KLF15: variants seen among roughly 807,000 people sequenced by gnomAD.
KLF15 encodes the protein Krueppel-like factor 15.
KLF15 carries 4 observed loss-of-function variants against 24.6 expected under a neutral mutation model. The observed-to-expected ratio is 0.16, with a 90% CI of 0.08 to 0.37. The LOEUF is 0.37. Ranked by LOEUF, KLF15 falls within the 10% of genes least tolerant of loss-of-function variation. The pLI is 1.00. For synonymous variants in KLF15, 246 were observed against 236.3 expected, an observed-to-expected ratio of 1.04 and a Z score of -0.37; for missense variants, 496 against 560.6, an observed-to-expected ratio of 0.88 and a Z score of 1.16.
the KLF15 span, among the ~76,000 whole-genome samples, chr3:126,310,574 G>A: frequency 9.2e-5 from 14 of 152,232 alleles, no homozygotes; most frequent in African/African-American, 2.4e-4. Context: ...ATTTCCTCAC[G>A]GCTCTGGAGG....
chr3:126,315,783 T>G, the KLF15 span, among the ~76,000 whole-genome samples: 1 of 152,182 alleles, frequency 6.6e-6, no homozygotes, highest in African/African-American at 2.4e-5. Flanking sequence ...ACCTATCCTT[T>G]GAAATTCCTC....
In KLF15 at chr3:126,356,312, T is replaced by G. The variant is rs553104482; in HGVS notation, c.-26+925A>C. On this transcript the variant is annotated intron_variant, in intron 1 of 2. Coordinates refer to ENST00000296233, the MANE Select transcript of KLF15 (RefSeq NM_014079.4). The surrounding 1 kb of genome is among the most constrained non-coding windows in gnomAD (Gnocchi z 4.4). ...GTCCGGGGGGACAGGGGGAAGGAGA[T>G]TTGAGGCTCTCAAACAATTGTTGAT... is the stretch of plus-strand genomic sequence containing the variant. Among the ~76,000 whole-genome samples the G allele has an allele frequency of 6.6e-6, 1 of 152,064 alleles. No individual in the cohort carries two copies. The highest frequency in any genetic ancestry group is 2.1e-4 in the South Asian group (1 of 4,808).
rs926979198 is a variant in KLF15, at chr3:126,352,236, C to T, written c.687G>A (p.Lys229=). ...VLLQIQPVPV[K]QESGTGPASP... ...AGGCAGGCCCTGTGCCCGATTCCTG[C>T]TTCACAGGCACGGGCTGGATCTGCA... is the stretch of plus-strand genomic sequence containing the variant. Residue 229 remains lysine, a synonymous_variant, in exon 2 of 3, where the codon AAG becomes AAA. Coordinates refer to ENST00000296233, the MANE Select transcript of KLF15 (RefSeq NM_014079.4). 1.3e-6 allele frequency: 2 copies of T among 1,537,474 alleles called. No homozygotes were observed. Among genetic ancestry groups the T allele is most frequent in the African/African-American group, 2.8e-5 (2 of 72,556 alleles).
the KLF15 span, chr3:126,288,285 T>A: frequency 6.6e-6 from 1 of 152,228 alleles, no homozygotes; most frequent in Non-Finnish European, 1.5e-5. Flanking sequence ...AATCATCTAC[T>A]GGAGACGGGC....
chr3:126,318,532 C>T, the KLF15 span, among the ~76,000 whole-genome samples: 2 of 152,090 alleles, frequency 1.3e-5, no homozygotes, highest in African/African-American at 4.8e-5. Context: ...CTGTGATGGA[C>T]GTGCAGGGGG....
chr3:126,337,577 T>TTA, the KLF15 span, among the ~76,000 whole-genome samples: 41 of 150,562 alleles, frequency 2.7e-4, no homozygotes, highest in East Asian at 6.1e-3. Flanking sequence ...AAAGTATAAT[T>TTA]AAAAAAAAAG....
chr3:126,314,268 C>A, the KLF15 span, among the ~76,000 whole-genome samples: 1 of 152,098 alleles, frequency 6.6e-6, no homozygotes, highest in East Asian at 1.9e-4. Context: ...TATGGGTCCC[C>A]CCTTGACAGG....
the KLF15 span, among the ~76,000 whole-genome samples, chr3:126,312,244 G>A: frequency 2.0e-5 from 3 of 152,198 alleles, no homozygotes; most frequent in East Asian, 5.8e-4. Context: ...GTGATGCAAG[G>A]CTCACTGCAG....
the KLF15 span, among the ~76,000 whole-genome samples, chr3:126,323,477 A>T: frequency 5.8e-5 from 4 of 69,004 alleles, no homozygotes; most frequent in Non-Finnish European, 1.0e-4. Context: ...TATATGTTAT[A>T]TATATATATA....
intron 2 of KLF15, among the ~76,000 whole-genome samples, chr3:126,350,617 C>G (rs2107555808): frequency 6.6e-6 from 1 of 152,380 alleles, no homozygotes; most frequent in Middle Eastern, 3.4e-3. Context: ...GTCAAGAAAA[C>G]AAAAGCTGCA....
At chr3:126,299,315 C>T in the KLF15 span, among the ~76,000 whole-genome samples, 9 of 152,028 alleles carry the variant, frequency 5.9e-5, no homozygotes, top group African/African-American at 1.9e-4. Flanking sequence ...CTGTTGTTGG[C>T]GTATAGCAGT....
chr3:126,354,762 A>C (rs2107559586), intron 1 of KLF15, among the ~76,000 whole-genome samples: 1 of 152,368 alleles, frequency 6.6e-6, no homozygotes, highest in Middle Eastern at 3.4e-3. Flanking sequence ...GGCAGAGCCC[A>C]CACTCCACCC....
At chr3:126,344,726 G>A (rs554269868) in intron 2 of KLF15, among the ~76,000 whole-genome samples, 1 of 147,800 alleles carries the variant, frequency 6.8e-6, no homozygotes, top group African/African-American at 2.4e-5. Context: ...CCTCAGACTT[G>A]AGTCCACCCA....
At chr3:126,341,809 T>C (rs118166822), downstream of KLF15, among the ~76,000 whole-genome samples, 138 of 152,270 alleles carry the variant, frequency 9.1e-4, 2 homozygotes, top group East Asian at 0.025. Flanking sequence ...CCAGTTCTTA[T>C]AAAGCAAAGG....
chr3:126,353,441 C>T (rs1437262049), intron 1 of KLF15, among the ~76,000 whole-genome samples: 3 of 152,294 alleles, frequency 2.0e-5, no homozygotes, highest in Non-Finnish European at 4.4e-5. Flanking sequence ...GCTGAGGCTT[C>T]CAGAGGGTTG....
chr3:126,329,806 GTTTTCCA>G, the KLF15 span, among the ~76,000 whole-genome samples: 2 of 140,910 alleles, frequency 1.4e-5, no homozygotes, highest in African/African-American at 5.2e-5. Context: ...TCTTCTTTAT[GTTTTCCA>G]TTAAAGTTTC....
chr3:126,343,880 G>A lies in KLF15; in HGVS notation c.1098C>T (p.Asp366=), dbSNP rs767507693. 5 of 1,594,728 alleles carry A rather than the reference G, an allele frequency of 3.1e-6. No homozygotes were observed. The highest frequency in any genetic ancestry group is 4.3e-6 in the Non-Finnish European group (5 of 1,171,334). Reference sequence around the variant, plus strand: ...GCGAGCGCCTGTGCCGCGACAGCTCGTCAGAGCGCGAGAACCTGCGGGACA... The same window carrying A: ...GCGAGCGCCTGTGCCGCGACAGCTCATCAGAGCGCGAGAACCTGCGGGACA... ...PGCGWRFSRS[D]ELSRHRRSHS... The change falls in exon 3 of 3, where the codon GAC becomes GAT. Residue 366 remains aspartate, a synonymous_variant. Coordinates refer to ENST00000296233, the MANE Select transcript of KLF15 (RefSeq NM_014079.4).
the KLF15 span, among the ~76,000 whole-genome samples, chr3:126,337,276 G>A: frequency 7.2e-6 from 1 of 138,320 alleles, no homozygotes; most frequent in African/African-American, 2.8e-5. Context: ...GTCCTTTGCA[G>A]GGACATGGAT....
the KLF15 span, among the ~76,000 whole-genome samples, chr3:126,290,502 T>TCCTC: frequency 7.1e-6 from 1 of 140,496 alleles, no homozygotes; most frequent in Non-Finnish European, 1.6e-5. Flanking sequence ...CTTTCTTCCT[T>TCCTC]CCTACCTTCC....
Sources: allele counts gnomAD v4.1 joint callset (sites outside exome capture counted in the v4.1 genomes callset), GRCh38; gene constraint gnomAD v4.1.1; non-coding constraint Gnocchi (gnomAD v3.1); transcripts MANE v1.5; gene names NCBI Gene and HGNC (gene_info 2026-07-23, HGNC 2026-07-21).